Variants in LGR4 observed in about 807,000 individuals in gnomAD.
The protein encoded by LGR4 is leucine-rich repeat-containing G protein-coupled receptor 4.
LGR4 carries 44 observed loss-of-function variants against 84.8 expected under a neutral mutation model. That is an observed-to-expected ratio of 0.52 (90% CI 0.41 to 0.67). LGR4 has a LOEUF of 0.67. Among genes scored for constraint, LGR4 ranks in the 30% least tolerant of loss-of-function variants. The probability of loss-of-function intolerance (pLI) is 0.00; values close to 1 mark genes in which losing one functional copy is unlikely to be tolerated. For missense variants in LGR4, 1,032 were observed against 1,131.4 expected, an observed-to-expected ratio of 0.91 and a Z score of 1.26; for synonymous variants, 429 against 434.3, an observed-to-expected ratio of 0.99 and a Z score of 0.15.
intron 1 of LGR4, among the ~76,000 whole-genome samples, chr11:27,440,656 A>G (rs1016752225): frequency 3.9e-5 from 6 of 152,166 alleles, no homozygotes; most frequent in Admixed American, 6.5e-5. Context: ...TGTTCCCACA[A>G]AGACCCGGAG....
At position 27,384,368 on chromosome 11, in the gene LGR4, G is replaced by A. The variant is rs1378524654; in HGVS notation, c.657C>T (p.His219=). Residue 219 remains histidine (H), a synonymous_variant, in exon 6 of 18, where the codon CAC becomes CAT. Coordinates refer to ENST00000379214, the MANE Select transcript of LGR4 (RefSeq NM_018490.5). The part of the protein sequence containing the change: ...HNNKIRSLSQ[H]CFDGLDNLET... ...CCAGGTTATCTAGTCCATCAAAACA[G>A]TGTTGACTCAGGCTTCTAATTTTAT... is the stretch of plus-strand genomic sequence containing the variant. 4 of 1,610,878 alleles carry A rather than the reference G, an allele frequency of 2.5e-6. 1 individual carries two copies. The highest frequency in any genetic ancestry group is 1.3e-5 in the African/African-American group (1 of 74,800).
At chr11:27,391,210 AT>A in intron 3 of LGR4, 45 bp from the exon 4 acceptor site, 1 of 912,296 alleles carries the variant, frequency 1.1e-6, no homozygotes, top group Non-Finnish European at 1.7e-6. Context: ...GATAGTTACC[AT>A]TTTTTCTTAG....
intron 13 of LGR4, among the ~76,000 whole-genome samples, chr11:27,374,271 A>G (rs1257009269): frequency 1.3e-5 from 2 of 152,226 alleles, no homozygotes; most frequent in Non-Finnish European, 2.9e-5. Flanking sequence ...TCTAGCTGGC[A>G]TCTGTTTCAA....
chr11:27,389,406 A>G (rs3782105), intron 4 of LGR4, among the ~76,000 whole-genome samples: 2 of 152,158 alleles, frequency 1.3e-5, no homozygotes, highest in East Asian at 3.9e-4. Flanking sequence ...TGATAAGCAC[A>G]GTATGCTTTT....
chr11:27,405,004 T>C (rs1363584567), intron 2 of LGR4, among the ~76,000 whole-genome samples: 1 of 152,186 alleles, frequency 6.6e-6, no homozygotes, highest in African/African-American at 2.4e-5. Context: ...ATGCCTCAGC[T>C]GGGTTTCTGT....
At chr11:27,403,980 C>CCTA (rs1863553630) in intron 2 of LGR4, among the ~76,000 whole-genome samples, 1 of 152,084 alleles carries the variant, frequency 6.6e-6, no homozygotes, top group East Asian at 1.9e-4. Flanking sequence ...AGTCAAAGGT[C>CCTA]CTACTAAAGC....
At chr11:27,387,297 A>G (rs1202010329) in intron 4 of LGR4, among the ~76,000 whole-genome samples, 1 of 152,164 alleles carries the variant, frequency 6.6e-6, no homozygotes, top group African/African-American at 2.4e-5. Context: ...GGTAACATAC[A>G]ACACAATAAA....
chr11:27,395,292 T>C (rs2133381605), intron 2 of LGR4, among the ~76,000 whole-genome samples: 1 of 152,234 alleles, frequency 6.6e-6, no homozygotes, highest in East Asian at 1.9e-4. Context: ...TCTCTAATAT[T>C]AGTTGTGAAT....
chr11:27,428,764 G>C (rs564291603), intron 1 of LGR4, among the ~76,000 whole-genome samples: 4 of 151,778 alleles, frequency 2.6e-5, no homozygotes, highest in Non-Finnish European at 5.9e-5. Flanking sequence ...GTTTTTTTAC[G>C]ACATAGGCTC....
intron 1 of LGR4, 82 bp from the exon 2 acceptor site, chr11:27,412,942 T>TA (rs1464341152): frequency 1.1e-6 from 1 of 925,966 alleles, no homozygotes; most frequent in African/African-American, 1.6e-5. Context: ...ACTAACTAGG[T>TA]GTTACAATTT....
Position 27,412,871 on chromosome 11 carries a change from T to C in LGR4, c.186-11A>G. 2.6e-6 allele frequency: 4 copies of C among 1,563,088 alleles called. No individual in the cohort carries two copies. The highest frequency in any genetic ancestry group is 3.5e-6 in the Non-Finnish European group (4 of 1,134,748). ...TTCATACTGATATCCCTGGAAAACG[T>C]AAAGTTAAGAATATTGTTAATTAAG... On this transcript the variant is annotated splice_polypyrimidine_tract_variant and intron_variant, in intron 1 of 17. Coordinates refer to ENST00000379214, the MANE Select transcript of LGR4 (RefSeq NM_018490.5).
At chr11:27,417,668 GA>G (rs1271100885) in intron 1 of LGR4, among the ~76,000 whole-genome samples, 1 of 151,968 alleles carries the variant, frequency 6.6e-6, no homozygotes, top group Non-Finnish European at 1.5e-5. Context: ...TTAAAAAATT[GA>G]AATACAGAGA....
At chr11:27,458,431 A>G (rs1864613697) in intron 1 of LGR4, among the ~76,000 whole-genome samples, 1 of 152,212 alleles carries the variant, frequency 6.6e-6, no homozygotes, top group Admixed American at 6.5e-5. Flanking sequence ...GACTGTATAC[A>G]TTGTGAAACT....
intron 13 of LGR4, among the ~76,000 whole-genome samples, chr11:27,374,789 C>G (rs932379561): frequency 5.3e-5 from 8 of 152,146 alleles, no homozygotes; most frequent in African/African-American, 1.4e-4. Context: ...GTGATGGCAA[C>G]TAGGAGCCAG....
intron 1 of LGR4, 46 bp downstream of exon 1, chr11:27,472,072 G>A: frequency 8.7e-7 from 1 of 1,155,684 alleles, no homozygotes; most frequent in South Asian, 2.5e-5. Context: ...CCCCCGCTGG[G>A]CCCCGTTTCC....
intron 1 of LGR4, among the ~76,000 whole-genome samples, chr11:27,424,464 A>G (rs1254593798): frequency 6.6e-6 from 1 of 152,076 alleles, no homozygotes; most frequent in Non-Finnish European, 1.5e-5. Context: ...GCACCACTGC[A>G]CTCCAGCCTA....
chr11:27,398,379 G>C (rs1189735492), intron 2 of LGR4, among the ~76,000 whole-genome samples: 7 of 152,218 alleles, frequency 4.6e-5, no homozygotes, highest in African/African-American at 1.4e-4. Flanking sequence ...GTGTGAAATA[G>C]AGAATTTACC....
chr11:27,454,552 G>A (rs148816046), intron 1 of LGR4, among the ~76,000 whole-genome samples: 2,801 of 152,242 alleles, frequency 0.018, 81 homozygotes, highest in African/African-American at 0.064. Context: ...CTGAGGTCAG[G>A]AGTTCGAGAC....
chr11:27,467,780 A>G (rs1864806061), intron 1 of LGR4, among the ~76,000 whole-genome samples: 2 of 152,172 alleles, frequency 1.3e-5, no homozygotes, highest in Admixed American at 1.3e-4. Context: ...TTCCTCGCTT[A>G]TATTTAAAGA....
Sources: gnomAD v4.1 joint callset for allele counts (sites outside exome capture counted in the v4.1 genomes callset) on GRCh38, gnomAD v4.1.1 for gene constraint, MANE v1.5 for transcripts, NCBI Gene and HGNC (gene_info 2026-07-23, HGNC 2026-07-21) for gene names.